AGPAT4: variants seen among roughly 807,000 people sequenced by gnomAD.
AGPAT4 encodes the protein 1-acylglycerol-3-phosphate O-acyltransferase 4.
A neutral mutation model predicts 48.0 loss-of-function variants in AGPAT4; 15 were observed. The observed-to-expected ratio is 0.31, with a 90% CI of 0.21 to 0.48. The LOEUF (loss-of-function observed/expected upper bound fraction) is 0.48. AGPAT4 is among the 20% of genes least tolerant of loss of function. The pLI, the probability that AGPAT4 is intolerant of heterozygous loss-of-function variation, is 0.99. For synonymous variants in AGPAT4, 178 were observed against 198.7 expected (o/e 0.90, Z 0.88); for missense variants, 314 against 482.5 (o/e 0.65, Z 3.27).
intron 2 of AGPAT4, among the ~76,000 whole-genome samples, chr6:161,175,076 C>T (rs1583303133): frequency 6.6e-6 from 1 of 152,226 alleles, no homozygotes; most frequent in East Asian, 1.9e-4. Context: ...ATTTTTGCAT[C>T]GATGTTCATC....
intron 1 of AGPAT4, among the ~76,000 whole-genome samples, chr6:161,253,563 C>G (rs1054966572): frequency 2.0e-5 from 3 of 151,760 alleles, no homozygotes; most frequent in Non-Finnish European, 4.4e-5. Context: ...CAATATGATC[C>G]AACTTTTAAA....
At position 161,142,463 on chromosome 6, in the gene AGPAT4, G is replaced by A. The variant is rs1779285445; in HGVS notation, c.844-2843C>T. Among the ~76,000 whole-genome samples, 1 of 152,156 alleles carries A rather than the reference G, an allele frequency of 6.6e-6. No homozygotes were observed. The highest frequency in any genetic ancestry group is 6.5e-5 in the Admixed American group (1 of 15,282). ...GTAGTTATTGAATGAAGGAGAGTTG[G>A]TTTGTTTCCAGAAAGAAGCATCAAC... is the stretch of plus-strand genomic sequence containing the variant. On this transcript the variant is annotated intron_variant, in intron 7 of 8. Transcript: ENST00000320285. This position sits in a 1 kb window ranked among gnomAD's most constrained non-coding sequence, Gnocchi z 6.4.
In AGPAT4 at chr6:161,267,009, G is replaced by A. The variant is rs1783286466; in HGVS notation, c.-90+6929C>T. Among the ~76,000 whole-genome samples, 1 of 152,136 alleles carries A rather than the reference G, an allele frequency of 6.6e-6. No individual in the cohort carries two copies. The highest frequency in any genetic ancestry group is 1.5e-5 in the Non-Finnish European group (1 of 68,034). On this transcript the variant is annotated intron_variant, in intron 1 of 8. Transcript: ENST00000320285. The surrounding 1 kb of genome is among the most constrained non-coding windows in gnomAD (Gnocchi z 5.2). ...CCTTTAAACCCCGTGGTGGATTTGT[G>A]GAAAGTCCACTGAAGAACAGAAAGC...
At position 161,232,079 on chromosome 6, in the gene AGPAT4, G is replaced by A. The variant is rs770606306; in HGVS notation, c.135C>T (p.Leu45=). 6.2e-7 allele frequency: 1 copy of A among 1,614,138 alleles called. No individual in the cohort carries two copies. The highest frequency in any genetic ancestry group is 8.5e-7 in the Non-Finnish European group (1 of 1,180,016). ...ACAGTCTGCAGTTGATCTTCCGGAA[G>A]AGCTGCTTGTTAATGGGCCAGAGGA... is the stretch of plus-strand genomic sequence containing the variant. ...TLLLWPINKQ[L]FRKINCRLSY... The change falls in exon 2 of 9, where the codon CTC becomes CTT. Residue 45 remains leucine (L), a synonymous_variant. Transcript: ENST00000320285. This position sits in a 1 kb window ranked among gnomAD's most constrained non-coding sequence, Gnocchi z 6.8.
chr6:161,232,222 G>T lies in AGPAT4; in HGVS notation c.-9C>A. The T allele has an allele frequency of 1.2e-6, 2 of 1,612,522 alleles. No individual in the cohort carries two copies. Among genetic ancestry groups the T allele is most frequent in the Non-Finnish European group, 1.7e-6 (2 of 1,179,376 alleles). On this transcript the variant is annotated 5_prime_UTR_variant, in exon 2 of 9. Transcript: ENST00000320285. This position sits in a 1 kb window ranked among gnomAD's most constrained non-coding sequence, Gnocchi z 6.8. ...AGTCCCGCGAGGTCCATGATGCGTGGACGCTCTTATTCAGAAATAAATAAC... is the reference window on the plus strand; with the variant it reads ...AGTCCCGCGAGGTCCATGATGCGTGTACGCTCTTATTCAGAAATAAATAAC...
Position 161,138,774 on chromosome 6 carries a change from C to T in AGPAT4, c.1042+648G>A, listed in dbSNP as rs566299502. Among the ~76,000 whole-genome samples the T allele has an allele frequency of 6.6e-6, 1 of 152,142 alleles. No homozygotes were observed. Among genetic ancestry groups the T allele is most frequent in the Non-Finnish European group, 1.5e-5 (1 of 68,028 alleles). ...GACAGGGCCTTTCACAGGGAAACCC[C>T]AAAGTCTTCCTTGGCTCCAGGAAGC... On this transcript the variant is annotated intron_variant, in intron 8 of 8. Coordinates refer to ENST00000320285, the MANE Select transcript of AGPAT4 (RefSeq NM_020133.3). The surrounding 1 kb of genome is among the most constrained non-coding windows in gnomAD (Gnocchi z 4.8).
Position 161,218,879 on chromosome 6 carries a change from T to C in AGPAT4, c.178+13157A>G, listed in dbSNP as rs1217525887. Among the ~76,000 whole-genome samples the C allele has an allele frequency of 6.6e-6, 1 of 152,210 alleles. No individual in the cohort carries two copies. The highest frequency in any genetic ancestry group is 2.4e-5 in the African/African-American group (1 of 41,448). Reference sequence around the variant, plus strand: ...AAACAGTATGATAAAACACTGTATCTACCAAACAGTATGATAAAACACTGT... The same window carrying C: ...AAACAGTATGATAAAACACTGTATCCACCAAACAGTATGATAAAACACTGT... On this transcript the variant is annotated intron_variant, in intron 2 of 8. Coordinates refer to ENST00000320285, the MANE Select transcript of AGPAT4 (RefSeq NM_020133.3). The surrounding 1 kb of genome is among the most constrained non-coding windows in gnomAD (Gnocchi z 4.7).
intron 1 of AGPAT4, among the ~76,000 whole-genome samples, chr6:161,253,028 A>G (rs1420882104): frequency 1.3e-5 from 2 of 151,690 alleles, no homozygotes; most frequent in Admixed American, 6.6e-5. Context: ...ATCCTGGCCA[A>G]TACGGTGAAA....
At position 161,178,236 on chromosome 6, in the gene AGPAT4, A is replaced by G. The variant is rs1780479247; in HGVS notation, c.179-11819T>C. On this transcript the variant is annotated intron_variant, in intron 2 of 8. Coordinates refer to ENST00000320285, the MANE Select transcript of AGPAT4 (RefSeq NM_020133.3). The surrounding 1 kb of genome is among the most constrained non-coding windows in gnomAD (Gnocchi z 5.1). ...TCTGCTGCCCTGCCCCCAGAGGTGG[A>G]GTCTACAGAGGCATGCAGGCCTCCT... 6.6e-6 allele frequency among the ~76,000 whole-genome samples: 1 copy of G among 152,146 alleles called. No homozygotes were observed. Among genetic ancestry groups the G allele is most frequent in the Non-Finnish European group, 1.5e-5 (1 of 68,034 alleles).
Position 161,178,976 on chromosome 6 carries a change from C to T in AGPAT4, c.179-12559G>A, listed in dbSNP as rs909359316. Among the ~76,000 whole-genome samples the T allele has an allele frequency of 4.6e-5, 7 of 152,214 alleles. No homozygotes were observed. Among genetic ancestry groups the T allele is most frequent in the Non-Finnish European group, 1.0e-4 (7 of 68,048 alleles). ...AATCTCACAGAGCTGGTGCCCAGTT[C>T]CTCAGGGTGATGACCGGAGAGGGTG... On this transcript the variant is annotated intron_variant, in intron 2 of 8. Transcript: ENST00000320285. This position sits in a 1 kb window ranked among gnomAD's most constrained non-coding sequence, Gnocchi z 5.1.
At chr6:161,157,466 C>G (rs1779795191) in intron 3 of AGPAT4, among the ~76,000 whole-genome samples, 1 of 152,218 alleles carries the variant, frequency 6.6e-6, no homozygotes, top group Non-Finnish European at 1.5e-5. Flanking sequence ...GTGCCCATCA[C>G]CATGCCTGGC....
rs1358964358 is a variant in AGPAT4 at position 161,243,138 on chromosome 6, T to C, written c.-89-10836A>G. The stretch of plus-strand genomic sequence containing the variant: ...AAAGAAGGCAGAATGCATGTTGAAA[T>C]TGTCGATTTCATCATCGTCATTGCT... On this transcript the variant is annotated intron_variant, in intron 1 of 8. Transcript: ENST00000320285. This position sits in a 1 kb window ranked among gnomAD's most constrained non-coding sequence, Gnocchi z 4.8. 6.6e-6 allele frequency among the ~76,000 whole-genome samples: 1 copy of C among 152,094 alleles called. No individual in the cohort carries two copies. The highest frequency in any genetic ancestry group is 1.5e-5 in the Non-Finnish European group (1 of 68,010).
intron 2 of AGPAT4, among the ~76,000 whole-genome samples, chr6:161,227,172 G>A (rs1443063300): frequency 1.3e-5 from 2 of 152,186 alleles, no homozygotes; most frequent in African/African-American, 4.8e-5. Flanking sequence ...CACAAAATCA[G>A]CAGGTCGTAT....
In AGPAT4 at chr6:161,200,572, TC is replaced by T. The variant is rs1422724268; in HGVS notation, c.178+31463del. Among the ~76,000 whole-genome samples the T allele has an allele frequency of 6.6e-6, 1 of 152,176 alleles. No individual in the cohort carries two copies. Among genetic ancestry groups the T allele is most frequent in the African/African-American group, 2.4e-5 (1 of 41,442 alleles). ...TGGGCATAACCACAGGGTAGCGTAA[TC>T]TCATTTTTTGATTGCTCAGGATTAC... On this transcript the variant is annotated intron_variant, in intron 2 of 8. Transcript: ENST00000320285. The surrounding 1 kb of genome is among the most constrained non-coding windows in gnomAD (Gnocchi z 5.5).
At position 161,154,522 on chromosome 6, in the gene AGPAT4, G is replaced by C. The variant is rs1336306789; in HGVS notation, c.349-212C>G. Among the ~76,000 whole-genome samples the C allele has an allele frequency of 6.6e-6, 1 of 152,178 alleles. No individual in the cohort carries two copies. Among genetic ancestry groups the C allele is most frequent in the Non-Finnish European group, 1.5e-5 (1 of 68,036 alleles). Reference sequence around the variant, plus strand: ...GGTTGTGCTTGCCCTGCCAGTGTGGGAGCAGGGGGCAGGGGCACCCTGGTT... The same window carrying C: ...GGTTGTGCTTGCCCTGCCAGTGTGGCAGCAGGGGGCAGGGGCACCCTGGTT... On this transcript the variant is annotated intron_variant, in intron 3 of 8. Coordinates refer to ENST00000320285, the MANE Select transcript of AGPAT4 (RefSeq NM_020133.3). This position sits in a 1 kb window ranked among gnomAD's most constrained non-coding sequence, Gnocchi z 7.8.
At position 161,155,103 on chromosome 6, in the gene AGPAT4, C is replaced by T. The variant is rs563001697; in HGVS notation, c.349-793G>A. ...CCTTCTTGAGGCTGACGCAGGTGCA[C>T]GAGCTAGGCCCCACAGGTCCCCTCT... On this transcript the variant is annotated intron_variant, in intron 3 of 8. Coordinates refer to ENST00000320285, the MANE Select transcript of AGPAT4 (RefSeq NM_020133.3). The surrounding 1 kb of genome is among the most constrained non-coding windows in gnomAD (Gnocchi z 5.8). 1.2e-3 allele frequency among the ~76,000 whole-genome samples: 187 copies of T among 152,234 alleles called. 2 individuals carry two copies. Among genetic ancestry groups the T allele is most frequent in the African/African-American group, 2.6e-3 (108 of 41,546 alleles).
At chr6:161,156,795 C>T (rs1184757628) in intron 3 of AGPAT4, among the ~76,000 whole-genome samples, 4 of 152,236 alleles carry the variant, frequency 2.6e-5, no homozygotes, top group African/African-American at 7.2e-5. Context: ...ACCTAGCCTG[C>T]CCAGGGCGGA....
rs1442668080 is a variant in AGPAT4, at chr6:161,197,392, A to T, written c.179-30975T>A. 1.6e-4 allele frequency among the ~76,000 whole-genome samples: 24 copies of T among 152,154 alleles called. No homozygotes were observed. The highest frequency in any genetic ancestry group is 1.5e-5 in the Non-Finnish European group (1 of 68,022). On this transcript the variant is annotated intron_variant, in intron 2 of 8. Transcript: ENST00000320285. This position sits in a 1 kb window ranked among gnomAD's most constrained non-coding sequence, Gnocchi z 5.7. Reference sequence around the variant, plus strand: ...GCTTATGTTTATTTCTTAACATGTTATTCCATGTGGTCATGGTAAATATTT... The same window carrying T: ...GCTTATGTTTATTTCTTAACATGTTTTTCCATGTGGTCATGGTAAATATTT...
At position 161,140,234 on chromosome 6, in the gene AGPAT4, T is replaced by A. The variant is rs1192502468; in HGVS notation, c.844-614A>T. 6.6e-6 allele frequency among the ~76,000 whole-genome samples: 1 copy of A among 152,214 alleles called. No homozygotes were observed. Among genetic ancestry groups the A allele is most frequent in the Non-Finnish European group, 1.5e-5 (1 of 68,028 alleles). On this transcript the variant is annotated intron_variant, in intron 7 of 8. Transcript: ENST00000320285. The surrounding 1 kb of genome is among the most constrained non-coding windows in gnomAD (Gnocchi z 6.5). The stretch of plus-strand genomic sequence containing the variant: ...GAATGACAAAGGGCTGGAGGGCTGC[T>A]GGGTGTGGCTCTCAGAGGTGACAGC...
Sources: gnomAD v4.1 joint callset for allele counts (sites outside exome capture counted in the v4.1 genomes callset) on GRCh38, gnomAD v4.1.1 for gene constraint, Gnocchi (gnomAD v3.1) non-coding constraint, MANE v1.5 for transcripts, NCBI Gene and HGNC (gene_info 2026-07-23, HGNC 2026-07-21) for gene names.